SLC2A13: variants seen among roughly 807,000 people sequenced by gnomAD.
SLC2A13 encodes the protein solute carrier family 2 member 13.
A neutral mutation model predicts 64.4 loss-of-function variants in SLC2A13; 32 were observed. The ratio of observed to expected loss-of-function variants is 0.50; its 90% CI spans 0.37 to 0.67. SLC2A13 has a LOEUF of 0.67. SLC2A13 is among the 30% of genes least tolerant of loss of function. The probability of loss-of-function intolerance (pLI) is 0.00; values close to 1 mark genes in which losing one functional copy is unlikely to be tolerated. For missense variants in SLC2A13, 743 were observed against 829.2 expected (o/e 0.90, Z 1.28); for synonymous variants, 338 against 327.1 (o/e 1.03, Z -0.36).
At chr12:39,989,574 C>G (rs1335027241) in intron 3 of SLC2A13, among the ~76,000 whole-genome samples, 1 of 152,168 alleles carries the variant, frequency 6.6e-6, no homozygotes, top group East Asian at 1.9e-4. Flanking sequence ...ATGTCTTGCT[C>G]TGGCTGGGTT....
At chr12:39,860,658 T>G (rs934420001) in intron 6 of SLC2A13, among the ~76,000 whole-genome samples, 2 of 152,234 alleles carry the variant, frequency 1.3e-5, no homozygotes, top group African/African-American at 4.8e-5. Context: ...TTTTTTCTCA[T>G]GCAGAAATTG....
At chr12:39,942,849 A>G (rs140688429) in intron 4 of SLC2A13, among the ~76,000 whole-genome samples, 176 of 151,674 alleles carry the variant, frequency 1.2e-3, no homozygotes, top group African/African-American at 4.0e-3. Flanking sequence ...GGTTTTTGGA[A>G]TTTTCAGCCT....
intron 1 of SLC2A13, among the ~76,000 whole-genome samples, chr12:40,099,012 T>C (rs11564277): frequency 0.012 from 1,801 of 152,332 alleles, 38 homozygotes; most frequent in African/African-American, 0.041. Flanking sequence ...TGTGAAACGA[T>C]GCTCCTGCCA....
At chr12:39,929,029 A>G (rs1945777247) in intron 4 of SLC2A13, among the ~76,000 whole-genome samples, 3 of 152,134 alleles carry the variant, frequency 2.0e-5, no homozygotes, top group African/African-American at 7.2e-5. Context: ...GAGAAAATGA[A>G]TGTCCAGGAT....
chr12:40,022,927 A>G (rs1592015658), intron 3 of SLC2A13, among the ~76,000 whole-genome samples: 1 of 152,160 alleles, frequency 6.6e-6, no homozygotes, highest in East Asian at 1.9e-4. Context: ...GGGGAAAAAA[A>G]GCCCATGACC....
chr12:39,801,511 A>G (rs1941792122), intron 7 of SLC2A13, among the ~76,000 whole-genome samples: 1 of 152,188 alleles, frequency 6.6e-6, no homozygotes, highest in Non-Finnish European at 1.5e-5. Context: ...GCACAGAATT[A>G]AGATTCAAAT....
chr12:40,056,494 G>A (rs946570854), intron 1 of SLC2A13, among the ~76,000 whole-genome samples: 2 of 152,164 alleles, frequency 1.3e-5, no homozygotes, highest in African/African-American at 4.8e-5. Context: ...AAAGTGGAAT[G>A]CACAAAGGTT....
At chr12:39,968,760 GTATATATATATA>G (rs56838055) in intron 3 of SLC2A13, among the ~76,000 whole-genome samples, 1,222 of 59,452 alleles carry the variant, frequency 0.021, 17 homozygotes, top group East Asian at 0.065. Context: ...TTTTTTTTTG[GTATATATATATA>G]TATATATATA....
At chr12:39,772,949 T>C (rs1404820792) in intron 7 of SLC2A13, among the ~76,000 whole-genome samples, 5 of 152,166 alleles carry the variant, frequency 3.3e-5, no homozygotes, top group South Asian at 2.1e-4. Flanking sequence ...AATACGTAGA[T>C]AGCTAATGAC....
At chr12:40,061,493 C>G (rs888641806) in intron 1 of SLC2A13, among the ~76,000 whole-genome samples, 3 of 151,952 alleles carry the variant, frequency 2.0e-5, no homozygotes, top group African/African-American at 4.8e-5. Flanking sequence ...GAAACACAAT[C>G]AAAAATAATA....
At chr12:39,803,816 T>C (rs1035179893) in intron 7 of SLC2A13, among the ~76,000 whole-genome samples, 3 of 152,086 alleles carry the variant, frequency 2.0e-5, no homozygotes, top group Admixed American at 2.0e-4. Context: ...GTAAGTAATA[T>C]CTGAAAATAT....
At chr12:39,927,122 A>G (rs1327406320) in intron 4 of SLC2A13, among the ~76,000 whole-genome samples, 3 of 152,188 alleles carry the variant, frequency 2.0e-5, no homozygotes, top group Non-Finnish European at 4.4e-5. Flanking sequence ...TTTTAAACAG[A>G]TAAGATTCTT....
At chr12:40,089,717 C>G (rs548630525) in intron 1 of SLC2A13, among the ~76,000 whole-genome samples, 1 of 152,256 alleles carries the variant, frequency 6.6e-6, no homozygotes, top group South Asian at 2.1e-4. Flanking sequence ...GGCAATAATG[C>G]AAATATATTT....
rs757869795 is a variant in SLC2A13, at chr12:40,028,336, T to C, written c.890A>G (p.Asn297Ser). The C allele has an allele frequency of 6.2e-7, 1 of 1,613,992 alleles. No individual in the cohort carries two copies. The highest frequency in any genetic ancestry group is 2.2e-5 in the East Asian group (1 of 44,866). Residue 297 changes from asparagine (N) to serine (S), a missense_variant, in exon 3 of 10, where the codon AAC becomes AGC. This residue lies in a region of SLC2A13 where 448 missense variants were observed against 447.4 expected (regional missense o/e 1.00). Transcript: ENST00000280871. ...CTCTTTTTCCTCCTCTTCAATGTTG[T>C]TTTTGATGCTATCATATTCCTCATC... Reference protein sequence around the residue: ...TIDEEYDSIKNNIEEEEKEVG... With the variant: ...TIDEEYDSIKSNIEEEEKEVG...
At chr12:40,038,550 T>A (rs771739054) in intron 2 of SLC2A13, among the ~76,000 whole-genome samples, 32 of 151,660 alleles carry the variant, frequency 2.1e-4, no homozygotes, top group Non-Finnish European at 4.6e-4. Flanking sequence ...GGCAACATGG[T>A]AAAACCCTGT....
At chr12:39,871,490 A>G (rs1028053944) in intron 5 of SLC2A13, among the ~76,000 whole-genome samples, 1 of 150,056 alleles carries the variant, frequency 6.7e-6, no homozygotes, top group African/African-American at 2.4e-5. Context: ...GGATAGAAAA[A>G]AAAAACAATT....
chr12:40,010,261 T>G (rs530601933), intron 3 of SLC2A13, among the ~76,000 whole-genome samples: 4 of 152,294 alleles, frequency 2.6e-5, no homozygotes, highest in African/African-American at 9.6e-5. Flanking sequence ...GTTGTTTGGA[T>G]CTGCAAGTGA....
At chr12:39,934,105 G>C (rs1198606414) in intron 4 of SLC2A13, among the ~76,000 whole-genome samples, 1 of 152,188 alleles carries the variant, frequency 6.6e-6, no homozygotes, top group Non-Finnish European at 1.5e-5. Context: ...CTCCCTGTTA[G>C]TTGATAAAAA....
chr12:39,785,396 G>C (rs1428235759), intron 7 of SLC2A13, among the ~76,000 whole-genome samples: 1 of 152,238 alleles, frequency 6.6e-6, no homozygotes, highest in Non-Finnish European at 1.5e-5. Flanking sequence ...GTGCACAGAA[G>C]TCAAGAATTG....
Sources: allele counts gnomAD v4.1 joint callset (sites outside exome capture counted in the v4.1 genomes callset), GRCh38; gene constraint gnomAD v4.1.1; regional missense constraint gnomAD v4.1.1; transcripts MANE v1.5; gene names NCBI Gene and HGNC (gene_info 2026-07-23, HGNC 2026-07-21).